HBP1: variants seen among roughly 807,000 people sequenced by gnomAD.
The protein encoded by HBP1 is HMG box-containing protein 1.
In HBP1, 20 loss-of-function variants were observed where a neutral mutation model predicts 62.6. The ratio of observed to expected loss-of-function variants is 0.32; its 90% CI spans 0.22 to 0.46. The LOEUF (loss-of-function observed/expected upper bound fraction) is 0.46, where lower values mean the gene tolerates loss of function less well. Among genes scored for constraint, HBP1 ranks in the 20% least tolerant of loss-of-function variants. The probability of loss-of-function intolerance (pLI) is 1.00; values close to 1 mark genes in which losing one functional copy is unlikely to be tolerated. For synonymous variants in HBP1, 232 were observed against 206.2 expected, an observed-to-expected ratio of 1.12 and a Z score of -1.07; for missense variants, 480 against 611.8, an observed-to-expected ratio of 0.78 and a Z score of 2.27.
Position 107,202,274 on chromosome 7 carries a change from G to C in HBP1, c.*843G>C. ...GGGGGCAGACTTTGCACTTACTGCAGTGCAACACTTGCACTTTAATTTTCC... is the reference window on the plus strand; with the variant it reads ...GGGGGCAGACTTTGCACTTACTGCACTGCAACACTTGCACTTTAATTTTCC... On this transcript the variant is annotated 3_prime_UTR_variant, in exon 11 of 11. Coordinates refer to ENST00000222574, the MANE Select transcript of HBP1 (RefSeq NM_012257.4). 2.0e-5 allele frequency: 3 copies of C among 152,600 alleles called. No homozygotes were observed. Among genetic ancestry groups the C allele is most frequent in the Non-Finnish European group, 4.4e-5 (3 of 68,040 alleles). 9.5% of individuals were successfully genotyped at this position (152,600 alleles called of 1,614,324 possible). A position where few individuals can be genotyped will look rare whatever the true frequency, so the allele number is the denominator to read the frequency against.
At chr7:107,182,685 GTAA>G in intron 3 of HBP1, 84 bp downstream of exon 3, 1 of 674,718 alleles carries the variant, frequency 1.5e-6, no homozygotes, top group Non-Finnish European at 2.5e-6. Flanking sequence ...TTTAAAAGTA[GTAA>G]TACTTTAAAT....
chr7:107,169,015 G>T lies in HBP1; in HGVS notation c.-186G>T. 1.6e-6 allele frequency: 2 copies of T among 1,289,130 alleles called. No homozygotes were observed. The highest frequency in any genetic ancestry group is 2.0e-6 in the Non-Finnish European group (2 of 988,620). The allele number at this position is 1,289,130 out of a possible 1,614,324, so 79.9% of individuals were successfully genotyped here. A position where few individuals can be genotyped will look rare whatever the true frequency, so the allele number is the denominator to read the frequency against. ...GACGAAGCTTGAAAGACTTGGTAAT[G>T]GCGACGGGTTTGGTAAGTAGGAAAG... On this transcript the variant is annotated 5_prime_UTR_variant, in exon 1 of 11. An upstream start codon of the reference 5' UTR is lost. Coordinates refer to ENST00000222574, the MANE Select transcript of HBP1 (RefSeq NM_012257.4).
intron 6 of HBP1, among the ~76,000 whole-genome samples, chr7:107,188,312 A>G (rs143077575): frequency 1.5e-4 from 23 of 152,166 alleles, no homozygotes; most frequent in African/African-American, 5.3e-4. Context: ...CTTTCCTCCT[A>G]TTCTTTCAAA....
chr7:107,196,646 G>T, intron 9 of HBP1: 1 of 207,698 alleles, frequency 4.8e-6, no homozygotes, highest in Non-Finnish European at 1.0e-5. Flanking sequence ...AGACAATTAG[G>T]TTATCTACCT....
intron 6 of HBP1, 66 bp downstream of exon 6, chr7:107,186,747 C>A: frequency 1.1e-6 from 1 of 891,460 alleles, no homozygotes; most frequent in Non-Finnish European, 1.8e-6. Flanking sequence ...TATTGTTAAT[C>A]TACAGAAATA....
In HBP1 at chr7:107,171,073, A is replaced by ATATATATATTTTTTTTTT; in HGVS notation, c.-16+1889_-16+1890insATATATATTTTTTTTTTT. On this transcript the variant is annotated intron_variant, in intron 1 of 10. Coordinates refer to ENST00000222574, the MANE Select transcript of HBP1 (RefSeq NM_012257.4). ...TATATATATATATATATATATATAT[A>ATATATATATTTTTTTTTT]TTTTTTTTTTTTTTTGAGAGGGAGT... Among the ~76,000 whole-genome samples, 12 of 87,198 alleles carry ATATATATATTTTTTTTTT rather than the reference A, an allele frequency of 1.4e-4. 1 individual carries two copies. Among genetic ancestry groups the ATATATATATTTTTTTTTT allele is most frequent in the African/African-American group, 7.3e-4 (11 of 15,124 alleles). 57.2% of individuals were successfully genotyped at this position (87,198 alleles called of 152,430 possible). A position where few individuals can be genotyped will look rare whatever the true frequency, so the allele number is the denominator to read the frequency against.
chr7:107,196,177 C>T (rs751288219), intron 9 of HBP1, 26 bp downstream of exon 9: 1 of 1,256,580 alleles, frequency 8.0e-7, no homozygotes, highest in African/African-American at 1.5e-5. Flanking sequence ...ATTCTGATTA[C>T]AATAAATGAG....
intron 2 of HBP1, 132 bp from the exon 3 acceptor site, chr7:107,182,241 T>A: frequency 3.2e-6 from 2 of 615,820 alleles, no homozygotes; most frequent in Admixed American, 2.8e-5. Flanking sequence ...GTGAACAGAA[T>A]GTTAAATTTA....
At chr7:107,169,464 C>G (rs1395825306) in intron 1 of HBP1, among the ~76,000 whole-genome samples, 1 of 57,618 alleles carries the variant, frequency 1.7e-5, no homozygotes, top group African/African-American at 7.1e-5. Flanking sequence ...CCAGGTCGCG[C>G]GGTGGGTGGC....
intron 1 of HBP1, among the ~76,000 whole-genome samples, chr7:107,171,065 A>T (rs1474216048): frequency 0.17 from 11,102 of 66,634 alleles, 1,317 homozygotes; most frequent in Non-Finnish European, 0.19. Flanking sequence ...ATATATATAT[A>T]TATATATATT....
rs531036492 is a variant in HBP1 at position 107,189,554 on chromosome 7, G to T, written c.922+106G>T. 5 of 790,470 alleles carry T rather than the reference G, an allele frequency of 6.3e-6. No homozygotes were observed. The East Asian group carries it at 1.3e-4, about 21-fold the overall frequency. The allele number at this position is 790,470 out of a possible 1,614,324, so 49.0% of individuals were successfully genotyped here. A position where few individuals can be genotyped will look rare whatever the true frequency, so the allele number is the denominator to read the frequency against. On this transcript the variant is annotated intron_variant, in intron 7 of 10. Coordinates refer to ENST00000222574, the MANE Select transcript of HBP1 (RefSeq NM_012257.4). ...TTAAGAAAAAATTTGAGGGGAAAAC[G>T]TCTTTCAAACTAAATAAAAAACTAC...
intron 1 of HBP1, among the ~76,000 whole-genome samples, chr7:107,175,154 G>A (rs941786411): frequency 6.6e-6 from 1 of 151,816 alleles, no homozygotes; most frequent in African/African-American, 2.4e-5. Context: ...TTTGTCCATA[G>A]ACTCAAAGAG....
rs772267804 is a variant in HBP1, at chr7:107,195,933, A to C, written c.1167A>C (p.Gln389His). The change falls in exon 9 of 11, where the codon CAA becomes CAC. Residue 389 changes from glutamine (Q) to histidine (H), a missense_variant. Gln to His is a conservative substitution (Grantham distance 24). This residue lies in a region of HBP1 where 66 missense variants were observed against 56.4 expected (regional missense o/e 1.17). Transcript: ENST00000222574. ...TGTCTTGTGGAGGACCTGGTGGTCA[A>C]GACTTTGCAAGATCTGGATTCAGTA... Reference protein sequence around the residue: ...ASLSCGGPGGQDFARSGFSKN... With the variant: ...ASLSCGGPGGHDFARSGFSKN... The C allele has an allele frequency of 6.4e-5, 103 of 1,613,888 alleles. No individual in the cohort carries two copies. The Admixed American group carries it at 1.1e-3, about 18-fold the overall frequency.
At chr7:107,183,975 G>C (rs1201905784) in intron 3 of HBP1, among the ~76,000 whole-genome samples, 1 of 152,190 alleles carries the variant, frequency 6.6e-6, no homozygotes, top group Non-Finnish European at 1.5e-5. Context: ...CCCCTGAATA[G>C]AGAGAGAGAT....
At position 107,180,115 on chromosome 7, in the gene HBP1, T is replaced by C. The variant is rs527261902; in HGVS notation, c.169+53T>C. ...ATCTCACTAAGATTCAGATAAATTT[T>C]TCTACTTAGCCCGCTTCTCCACCAA... On this transcript the variant is annotated intron_variant, in intron 2 of 10. Transcript: ENST00000222574. The C allele has an allele frequency of 7.6e-4, 921 of 1,217,622 alleles. 4 individuals are homozygous for C. The highest frequency in any genetic ancestry group is 6.2e-3 in the Middle Eastern group (29 of 4,684). 75.4% of individuals were successfully genotyped at this position (1,217,622 alleles called of 1,614,324 possible).
At chr7:107,179,249 A>T (rs752586430) in intron 1 of HBP1, among the ~76,000 whole-genome samples, 41 of 152,196 alleles carry the variant, frequency 2.7e-4, no homozygotes, top group Admixed American at 1.8e-3. Flanking sequence ...GAGTCCTATT[A>T]GTCTCAGTTT....
chr7:107,177,499 C>G (rs536534549), intron 1 of HBP1, among the ~76,000 whole-genome samples: 99 of 152,244 alleles, frequency 6.5e-4, no homozygotes, highest in Middle Eastern at 3.4e-3. Flanking sequence ...CTGTATCTAG[C>G]AATCTAAAAT....
chr7:107,188,177 A>G (rs1277806642), intron 6 of HBP1, among the ~76,000 whole-genome samples: 1 of 152,212 alleles, frequency 6.6e-6, no homozygotes, highest in Non-Finnish European at 1.5e-5. Flanking sequence ...ATCTATGTCT[A>G]TAGCCTTCAC....
At chr7:107,188,238 T>C (rs988102603) in intron 6 of HBP1, among the ~76,000 whole-genome samples, 1 of 152,206 alleles carries the variant, frequency 6.6e-6, no homozygotes, top group African/African-American at 2.4e-5. Flanking sequence ...TATCAGTCAG[T>C]TCTTTGAACT....
Sources: allele counts gnomAD v4.1 joint callset (sites outside exome capture counted in the v4.1 genomes callset), GRCh38; gene constraint gnomAD v4.1.1; regional missense constraint gnomAD v4.1.1; transcripts MANE v1.5; gene names NCBI Gene and HGNC (gene_info 2026-07-23, HGNC 2026-07-21).